The following SGCZ variants were observed in gnomAD, a reference collection of about 807,000 sequenced individuals.
SGCZ encodes zeta-sarcoglycan.
In SGCZ, 40 loss-of-function variants were observed where a neutral mutation model predicts 41.3. The ratio of observed to expected loss-of-function variants is 0.97; its 90% CI spans 0.75 to 1.26. The LOEUF is 1.26. Ranked by LOEUF, SGCZ falls within the 50% of genes most tolerant of loss-of-function variation. The probability of loss-of-function intolerance (pLI) is 0.00; values close to 1 mark genes in which losing one functional copy is unlikely to be tolerated. For synonymous variants in SGCZ, 206 were observed against 137.5 expected (o/e 1.50, Z -3.49); for missense variants, 552 against 369.8 (o/e 1.49, Z -4.04).
At chr8:14,247,915 A>G (rs1338599471) in intron 3 of SGCZ, among the ~76,000 whole-genome samples, 1 of 152,224 alleles carries the variant, frequency 6.6e-6, no homozygotes, top group East Asian at 1.9e-4. Flanking sequence ...GTGAGCAGAA[A>G]GAAATGTACA....
chr8:14,638,855 A>G (rs1806922332), intron 1 of SGCZ, among the ~76,000 whole-genome samples: 2 of 151,742 alleles, frequency 1.3e-5, no homozygotes, highest in Non-Finnish European at 2.9e-5. Flanking sequence ...TTTATTTCAC[A>G]TTTAAAATAG....
intron 3 of SGCZ, among the ~76,000 whole-genome samples, chr8:14,257,925 G>A (rs147472487): frequency 1.3e-5 from 2 of 151,976 alleles, no homozygotes; most frequent in Non-Finnish European, 2.9e-5. Flanking sequence ...TAGATATATA[G>A]ACATATCTAC....
intron 1 of SGCZ, among the ~76,000 whole-genome samples, chr8:14,725,444 A>G (rs1479771715): frequency 1.3e-5 from 2 of 152,202 alleles, no homozygotes; most frequent in Non-Finnish European, 2.9e-5. Context: ...TCCCACCAAC[A>G]GTGTACAAGT....
At chr8:14,688,687 T>C (rs1310560705) in intron 1 of SGCZ, among the ~76,000 whole-genome samples, 2 of 152,148 alleles carry the variant, frequency 1.3e-5, no homozygotes, top group African/African-American at 2.4e-5. Flanking sequence ...GGCTCTTTTT[T>C]GGTGCCATAT....
Position 14,712,211 on chromosome 8 carries a change from GC to G in SGCZ, c.40-157286del, listed in dbSNP as rs201995977. ...TTTAATTAAGTATTTTCATGATCTT[GC>G]TTTTGAGAATACCTTATAAAAGTAT... On this transcript the variant is annotated intron_variant, in intron 1 of 7. Transcript: ENST00000382080. 2.5e-3 allele frequency among the ~76,000 whole-genome samples: 383 copies of G among 151,214 alleles called. 3 individuals are homozygous for G. The highest frequency in any genetic ancestry group is 9.0e-3 in the African/African-American group (365 of 40,502).
At chr8:14,133,210 C>G (rs1249248015) in intron 5 of SGCZ, among the ~76,000 whole-genome samples, 1 of 152,166 alleles carries the variant, frequency 6.6e-6, no homozygotes, top group Non-Finnish European at 1.5e-5. Flanking sequence ...GCAGCTTTCT[C>G]AATCGCCCAC....
chr8:14,810,990 G>T (rs1457821034), intron 1 of SGCZ, among the ~76,000 whole-genome samples: 1 of 151,916 alleles, frequency 6.6e-6, no homozygotes, highest in African/African-American at 2.4e-5. Context: ...ATTAAATTTT[G>T]ATGTACAACA....
chr8:14,947,714 A>G (rs976430368), intron 1 of SGCZ, among the ~76,000 whole-genome samples: 15 of 152,344 alleles, frequency 9.8e-5, no homozygotes, highest in African/African-American at 3.4e-4. Context: ...CTGAAAGAAA[A>G]GCATTAAATA....
intron 5 of SGCZ, among the ~76,000 whole-genome samples, chr8:14,111,479 G>T (rs1265556798): frequency 6.6e-6 from 1 of 152,048 alleles, no homozygotes; most frequent in Non-Finnish European, 1.5e-5. Flanking sequence ...AAGGACAAAA[G>T]GAACACAACA....
chr8:15,215,050 C>T (rs191521983), intron 1 of SGCZ, among the ~76,000 whole-genome samples: 16 of 152,278 alleles, frequency 1.1e-4, no homozygotes, highest in Admixed American at 2.0e-4. Context: ...CATCTTTTAA[C>T]ATTTAATCTT....
intron 1 of SGCZ, among the ~76,000 whole-genome samples, chr8:14,618,883 C>G (rs1806193083): frequency 6.6e-6 from 1 of 151,956 alleles, no homozygotes; most frequent in African/African-American, 2.4e-5. Context: ...TTGGCCTAAG[C>G]AAATTAACAA....
chr8:14,117,447 C>A (rs1380157673), intron 5 of SGCZ, among the ~76,000 whole-genome samples: 1 of 123,822 alleles, frequency 8.1e-6, no homozygotes, highest in Admixed American at 8.4e-5. Context: ...TGTGTGAATG[C>A]AGAGTATAGC....
At chr8:14,466,818 T>G (rs1330262321) in intron 2 of SGCZ, among the ~76,000 whole-genome samples, 1 of 151,890 alleles carries the variant, frequency 6.6e-6, no homozygotes, top group African/African-American at 2.4e-5. Context: ...TAGGTTTCTA[T>G]ATTTTATTAA....
chr8:14,779,795 G>T lies in SGCZ; in HGVS notation c.40-224869C>A, dbSNP rs540190276. On this transcript the variant is annotated intron_variant, in intron 1 of 7. Coordinates refer to ENST00000382080, the MANE Select transcript of SGCZ (RefSeq NM_139167.4). ...GCATATAAATAAATGAAAGTTATTA[G>T]CAATGTTCTGATGCTTGCTTTGAGC... Among the ~76,000 whole-genome samples, 12 of 152,264 alleles carry T rather than the reference G, an allele frequency of 7.9e-5. No individual in the cohort carries two copies. In the East Asian group the frequency reaches 2.3e-3, roughly 29 times the overall value.
At chr8:15,062,860 A>T (rs1804987153) in intron 1 of SGCZ, among the ~76,000 whole-genome samples, 1 of 152,250 alleles carries the variant, frequency 6.6e-6, no homozygotes, top group East Asian at 1.9e-4. Flanking sequence ...ATATAGAACT[A>T]TGAAATGTAT....
chr8:14,764,957 G>C (rs1799995801), intron 1 of SGCZ, among the ~76,000 whole-genome samples: 1 of 152,118 alleles, frequency 6.6e-6, no homozygotes, highest in Non-Finnish European at 1.5e-5. Context: ...AACTGGTAAA[G>C]GGTGACTGTT....
chr8:14,898,592 G>C (rs17601783), intron 1 of SGCZ, among the ~76,000 whole-genome samples: 27,336 of 152,098 alleles, frequency 0.18, 2,649 homozygotes, highest in Admixed American at 0.28. Context: ...TATTGGACTT[G>C]GGTGACAGGA....
intron 1 of SGCZ, among the ~76,000 whole-genome samples, chr8:15,097,398 G>A (rs1203804301): frequency 6.6e-6 from 1 of 151,942 alleles, no homozygotes; most frequent in Admixed American, 6.6e-5. Flanking sequence ...TGAGGCAACC[G>A]CAACTATAGT....
chr8:14,583,397 G>A (rs1381210960), intron 1 of SGCZ, among the ~76,000 whole-genome samples: 2 of 152,112 alleles, frequency 1.3e-5, no homozygotes, highest in South Asian at 2.1e-4. Flanking sequence ...TGTAGATTCT[G>A]GATATTAGCC....
Sources: allele counts gnomAD v4.1 joint callset (sites outside exome capture counted in the v4.1 genomes callset), GRCh38; gene constraint gnomAD v4.1.1; transcripts MANE v1.5; gene names NCBI Gene and HGNC (gene_info 2026-07-23, HGNC 2026-07-21).